Variants in MCF2L observed in about 807,000 individuals in gnomAD.
MCF2L encodes the protein MCF.2 cell line derived transforming sequence like, also known as guanine nucleotide exchange factor DBS.
A neutral mutation model predicts 153.4 loss-of-function variants in MCF2L; 97 were observed. The observed-to-expected ratio is 0.63, with a 90% CI of 0.54 to 0.75. MCF2L has a LOEUF of 0.75. Ranked by LOEUF, MCF2L falls within the 30% of genes least tolerant of loss-of-function variation. MCF2L has a pLI of 0.00. For synonymous variants in MCF2L, 659 were observed against 632.2 expected (o/e 1.04, Z -0.64); for missense variants, 1,347 against 1,495.2 (o/e 0.90, Z 1.64).
chr13:112,909,464 T>G, intron 2 of MCF2L: 1 of 609,258 alleles, frequency 1.6e-6, no homozygotes, highest in South Asian at 2.0e-5. Context: ...TGCAAACGTC[T>G]TCGTCAGGAG....
intron 4 of MCF2L, among the ~76,000 whole-genome samples, chr13:113,055,161 T>A (rs1364728719): frequency 6.6e-6 from 1 of 152,202 alleles, no homozygotes; most frequent in African/African-American, 2.4e-5. Context: ...TGTACATCGT[T>A]AGCACCTTCT....
At chr13:113,038,921 T>G (rs1239348250) in intron 3 of MCF2L, among the ~76,000 whole-genome samples, 3 of 152,162 alleles carry the variant, frequency 2.0e-5, no homozygotes, top group Non-Finnish European at 4.4e-5. Flanking sequence ...GCAATGGTGC[T>G]ATCTCGGCTC....
At chr13:113,000,607 CA>C (rs1386050737) in intron 1 of MCF2L, among the ~76,000 whole-genome samples, 2 of 152,202 alleles carry the variant, frequency 1.3e-5, no homozygotes, top group African/African-American at 4.8e-5. Flanking sequence ...CTGGCGAGGC[CA>C]CGCTTTCCTC....
rs1566867427 is a variant in MCF2L at position 113,083,985 on chromosome 13, C to A, written c.1992-13C>A. The A allele has an allele frequency of 6.2e-7, 1 of 1,609,670 alleles. No individual in the cohort carries two copies. Among genetic ancestry groups the A allele is most frequent in the South Asian group, 1.1e-5 (1 of 90,952 alleles). ...CCTGTCTTTCATACTACTTAAAAAC[C>A]TTCTTTGTCTAGGATATTCCTCAGG... On this transcript the variant is annotated splice_polypyrimidine_tract_variant and intron_variant, in intron 17 of 29. Coordinates refer to ENST00000535094, the MANE Select transcript of MCF2L (RefSeq NM_001112732.3).
chr13:113,011,392 TAGAC>T (rs2084085188), intron 1 of MCF2L, among the ~76,000 whole-genome samples: 1 of 152,216 alleles, frequency 6.6e-6, no homozygotes. Flanking sequence ...TGCCAGCAGG[TAGAC>T]AGTGCAGTGC....
rs1252412692 is a variant in MCF2L, at chr13:113,046,609, C to G, written c.369+1248C>G. 1 of 533,240 alleles carries G rather than the reference C, an allele frequency of 1.9e-6. No individual in the cohort carries two copies. The highest frequency in any genetic ancestry group is 3.8e-6 in the Non-Finnish European group (1 of 259,936). The allele number at this position is 533,240 out of a possible 1,614,324, so 33.0% of individuals were successfully genotyped here. On this transcript the variant is annotated intron_variant, in intron 4 of 29. Transcript: ENST00000535094. The surrounding 1 kb of genome is among the most constrained non-coding windows in gnomAD (Gnocchi z 4.4). ...TCATCTTTTACAAGAATTAGAGGCC[C>G]CATATCTGCTCCGATGCCCACAACC...
intron 1 of MCF2L, among the ~76,000 whole-genome samples, chr13:112,985,910 GAGGAT>G (rs1413378546): frequency 1.3e-5 from 2 of 152,188 alleles, no homozygotes; most frequent in Non-Finnish European, 2.9e-5. Context: ...TGACGTGCCT[GAGGAT>G]CGGCCCCGGC....
At chr13:113,026,513 C>T (rs1018754136) in intron 3 of MCF2L, among the ~76,000 whole-genome samples, 1 of 152,218 alleles carries the variant, frequency 6.6e-6, no homozygotes, top group African/African-American at 2.4e-5. Flanking sequence ...CAGTCGGGAT[C>T]TGACTTAGCC....
rs965818601 is a variant in MCF2L, at chr13:112,988,648, G to A, written c.79+19190G>A. Among the ~76,000 whole-genome samples the A allele has an allele frequency of 4.9e-4, 72 of 147,996 alleles. 1 individual carries two copies. The highest frequency in any genetic ancestry group is 1.4e-3 in the African/African-American group (55 of 39,924). The stretch of plus-strand genomic sequence containing the variant: ...CACACCGGAGTCCTCCCTGAGCAGG[G>A]GATGGAGCTACCATGCCCGAGTCCT... On this transcript the variant is annotated intron_variant, in intron 1 of 29. Transcript: ENST00000535094.
chr13:112,998,667 G>A (rs1484270341), intron 1 of MCF2L, among the ~76,000 whole-genome samples: 1 of 152,166 alleles, frequency 6.6e-6, no homozygotes, highest in Non-Finnish European at 1.5e-5. Flanking sequence ...TCTCTACTGC[G>A]CTCCCGATCC....
At chr13:112,948,719 A>G (rs1215569343) in intron 2 of MCF2L, among the ~76,000 whole-genome samples, 1 of 152,246 alleles carries the variant, frequency 6.6e-6, no homozygotes, top group African/African-American at 2.4e-5. Flanking sequence ...GAAGAGCAAA[A>G]TAAACCCAAA....
intron 2 of MCF2L, chr13:112,956,442 G>T (rs1166369089): frequency 6.6e-6 from 1 of 152,226 alleles, no homozygotes; most frequent in Non-Finnish European, 1.5e-5. Context: ...AAACCTCACT[G>T]TTTAAAGAGA....
chr13:112,898,443 G>A (rs138358748), intron 1 of MCF2L, among the ~76,000 whole-genome samples: 5 of 152,162 alleles, frequency 3.3e-5, no homozygotes, highest in African/African-American at 7.2e-5. Context: ...CCCGTGAACC[G>A]AGCTCGGCAG....
intron 1 of MCF2L, among the ~76,000 whole-genome samples, chr13:112,987,592 C>T (rs1020453478): frequency 8.5e-5 from 13 of 152,124 alleles, no homozygotes; most frequent in Admixed American, 2.0e-4. Flanking sequence ...TCTCGGCCTG[C>T]GCTGCATGCA....
At chr13:112,967,045 T>C (rs1450181392), upstream of MCF2L, among the ~76,000 whole-genome samples, 1 of 151,476 alleles carries the variant, frequency 6.6e-6, no homozygotes, top group African/African-American at 2.4e-5. Flanking sequence ...TCAGAGGGAG[T>C]GTGGCCTAGG....
intron 2 of MCF2L, among the ~76,000 whole-genome samples, chr13:112,961,925 C>T (rs1014744887): frequency 6.6e-6 from 1 of 152,178 alleles, no homozygotes; most frequent in African/African-American, 2.4e-5. Context: ...CCTCACTCAC[C>T]CACCTCCTCC....
chr13:112,913,038 GTGTC>G (rs1354703895), intron 2 of MCF2L, among the ~76,000 whole-genome samples: 4 of 148,610 alleles, frequency 2.7e-5, no homozygotes, highest in East Asian at 2.1e-4. Flanking sequence ...CTGTGATTGT[GTGTC>G]TGTGGTGTAT....
At chr13:113,011,728 G>A (rs544537971) in intron 1 of MCF2L, among the ~76,000 whole-genome samples, 39 of 139,616 alleles carry the variant, frequency 2.8e-4, no homozygotes, top group African/African-American at 9.2e-4. Context: ...GTGGACAGGC[G>A]GTGTGGACGG....
chr13:112,997,410 C>T (rs1323301930), intron 1 of MCF2L, among the ~76,000 whole-genome samples: 1 of 152,194 alleles, frequency 6.6e-6, no homozygotes, highest in Non-Finnish European at 1.5e-5. Context: ...TAGACATCCA[C>T]GTCACCCATA....
Sources: gnomAD v4.1 joint callset for allele counts (sites outside exome capture counted in the v4.1 genomes callset) on GRCh38, gnomAD v4.1.1 for gene constraint, Gnocchi (gnomAD v3.1) non-coding constraint, MANE v1.5 for transcripts, NCBI Gene and HGNC (gene_info 2026-07-23, HGNC 2026-07-21) for gene names.